The following LRIF1 variants were observed in gnomAD, a reference collection of about 807,000 sequenced individuals.
The protein encoded by LRIF1 is ligand dependent nuclear receptor interacting factor 1.
LRIF1 carries 32 observed loss-of-function variants against 52.7 expected under a neutral mutation model. The ratio of observed to expected loss-of-function variants is 0.61; its 90% CI spans 0.46 to 0.82. The LOEUF is 0.82. LRIF1 is among the 40% of genes least tolerant of loss of function. The pLI is 0.00. For missense variants in LRIF1, 887 were observed against 892.0 expected (o/e 0.99, Z 0.07); for synonymous variants, 323 against 317.4 (o/e 1.02, Z -0.19).
the LRIF1 span, among the ~76,000 whole-genome samples, chr1:110,930,660 G>A: frequency 6.6e-6 from 1 of 152,094 alleles, no homozygotes; most frequent in African/African-American, 2.4e-5. Flanking sequence ...CAGTTATACT[G>A]GGGGTTAATG....
At chr1:110,962,936 T>TA (rs1445990011) in intron 1 of LRIF1, among the ~76,000 whole-genome samples, 2 of 151,966 alleles carry the variant, frequency 1.3e-5, no homozygotes, top group African/African-American at 4.8e-5. Flanking sequence ...ACCCAAAAAC[T>TA]AAGTTACTGA....
the LRIF1 span, chr1:110,940,981 C>G: frequency 9.2e-5 from 14 of 152,096 alleles, no homozygotes; most frequent in Admixed American, 9.2e-4. Context: ...AAGAGTGTAA[C>G]TGGATTTCTT....
chr1:110,959,924 T>C lies in LRIF1; in HGVS notation c.68+3697A>G, dbSNP rs141671926. ...ATTTTATAGATATTTTTGCAAAATA[T>C]ATTTTTTTCAACTGCTAGGAAATCC... is the stretch of plus-strand genomic sequence containing the variant. On this transcript the variant is annotated intron_variant, in intron 1 of 3. Transcript: ENST00000369763. Among the ~76,000 whole-genome samples the C allele has an allele frequency of 2.8e-3, 422 of 152,154 alleles. 4 individuals are homozygous for C. The highest frequency in any genetic ancestry group is 9.5e-3 in the African/African-American group (394 of 41,498).
chr1:110,952,568 A>G lies in LRIF1; in HGVS notation c.316T>C (p.Tyr106His). 1 of 1,614,000 alleles carries G rather than the reference A, an allele frequency of 6.2e-7. No individual in the cohort carries two copies. The highest frequency in any genetic ancestry group is 2.2e-5 in the East Asian group (1 of 44,870). ...PIFQPASSSN[Y>H]FLTRTVDTSE... ...GTATCTACTGTTCTTGTAAGAAAAT[A>G]GTTTGAAGAACTGGCTGGCTGAAAA... is the stretch of plus-strand genomic sequence containing the variant. Residue 106 changes from tyrosine (Y) to histidine (H), a missense_variant, in exon 2 of 4, where the codon TAT becomes CAT. Tyr to His is a moderately conservative substitution (Grantham distance 83, BLOSUM62 2). Transcript: ENST00000369763.
chr1:110,892,459 G>C, the LRIF1 span: 5 of 1,613,900 alleles, frequency 3.1e-6, no homozygotes, highest in Non-Finnish European at 4.2e-6. Flanking sequence ...TGTCATCGTG[G>C]GCTCTATTAT....
In LRIF1 at chr1:110,952,300, G is replaced by T. The variant is rs1312619262; in HGVS notation, c.584C>A (p.Ser195Tyr). 1 of 1,614,138 alleles carries T rather than the reference G, an allele frequency of 6.2e-7. No homozygotes were observed. The highest frequency in any genetic ancestry group is 1.1e-5 in the South Asian group (1 of 91,078). Reference sequence around the variant, plus strand: ...AGGAGGCAATGATGACGCTGGTACAGATTTCACTTCAGCATGGGCTGGAAT... The same window carrying T: ...AGGAGGCAATGATGACGCTGGTACATATTTCACTTCAGCATGGGCTGGAAT... Reference protein sequence around the residue: ...LQIPAHAEVKSVPASSLPPSV... With the variant: ...LQIPAHAEVKYVPASSLPPSV... The change falls in exon 2 of 4, where the codon TCT (serine) becomes TAT (tyrosine). Residue 195 changes from serine (S) to tyrosine (Y), a missense_variant. Coordinates refer to ENST00000369763, the MANE Select transcript of LRIF1 (RefSeq NM_018372.4).
the LRIF1 span, among the ~76,000 whole-genome samples, chr1:110,936,074 T>C: frequency 6.6e-6 from 1 of 152,164 alleles, no homozygotes. Context: ...AAAAAACTTT[T>C]TAACCTAGAA....
Position 110,947,278 on chromosome 1 carries a change from C to CCAAAAAA in LRIF1, c.*680_*681insTTTTTTG, listed in dbSNP as rs1553209621. On this transcript the variant is annotated 3_prime_UTR_variant, in exon 4 of 4. Coordinates refer to ENST00000369763, the MANE Select transcript of LRIF1 (RefSeq NM_018372.4). ...TCTCAGTAACGTATGTACATAGTCC[C>CCAAAAAA]AAAAAAAAAAAAAGCAGCATTTGCC... 1 of 138,720 alleles carries CCAAAAAA rather than the reference C, an allele frequency of 7.2e-6. No homozygotes were observed. The highest frequency in any genetic ancestry group is 1.6e-5 in the Non-Finnish European group (1 of 63,050). 8.6% of individuals were successfully genotyped at this position (138,720 alleles called of 1,614,324 possible). A position where few individuals can be genotyped will look rare whatever the true frequency, so the allele number is the denominator to read the frequency against.
the LRIF1 span, among the ~76,000 whole-genome samples, chr1:110,887,396 G>A: frequency 6.6e-6 from 1 of 152,090 alleles, no homozygotes; most frequent in Non-Finnish European, 1.5e-5. Flanking sequence ...CTGGCTTAAT[G>A]GCTTTACTAA....
the LRIF1 span, chr1:110,894,870 G>A: frequency 1.0e-6 from 1 of 967,676 alleles, no homozygotes; most frequent in Non-Finnish European, 1.7e-6. Context: ...GGAAGCGCAA[G>A]TGGAACCACT....
At chr1:110,936,515 T>G in the LRIF1 span, 1 of 152,162 alleles carries the variant, frequency 6.6e-6, no homozygotes, top group Non-Finnish European at 1.5e-5. Context: ...CACACAGTGT[T>G]AAGTAGTTAT....
chr1:110,885,395 G>A, the LRIF1 span, among the ~76,000 whole-genome samples: 1 of 152,122 alleles, frequency 6.6e-6, no homozygotes, highest in Non-Finnish European at 1.5e-5. Flanking sequence ...AAAATTAGCT[G>A]GACGTGGTGG....
At chr1:110,920,318 A>G in the LRIF1 span, among the ~76,000 whole-genome samples, 32 of 152,254 alleles carry the variant, frequency 2.1e-4, no homozygotes, top group Non-Finnish European at 3.7e-4. Flanking sequence ...ATGAATGGAC[A>G]AACTGTGGTA....
intron 1 of LRIF1, among the ~76,000 whole-genome samples, chr1:110,960,750 G>A (rs965665382): frequency 2.6e-5 from 4 of 151,988 alleles, no homozygotes; most frequent in African/African-American, 4.8e-5. Flanking sequence ...TAACGAAGTC[G>A]GTCTATTTTC....
At chr1:110,935,205 A>G in the LRIF1 span, among the ~76,000 whole-genome samples, 11 of 152,328 alleles carry the variant, frequency 7.2e-5, no homozygotes, top group African/African-American at 2.6e-4. Context: ...AAACTTTCCC[A>G]AAAAGGACAG....
chr1:110,933,356 C>T, the LRIF1 span, among the ~76,000 whole-genome samples: 1 of 152,146 alleles, frequency 6.6e-6, no homozygotes, highest in Non-Finnish European at 1.5e-5. Flanking sequence ...ACAGAAAGAA[C>T]ACCTTCATAA....
At chr1:110,902,901 T>C in the LRIF1 span, among the ~76,000 whole-genome samples, 2 of 152,148 alleles carry the variant, frequency 1.3e-5, no homozygotes, top group African/African-American at 2.4e-5. Context: ...TAAAACAGTT[T>C]TGAATCTCTA....
the LRIF1 span, chr1:110,899,134 T>C: frequency 6.2e-7 from 1 of 1,613,776 alleles, no homozygotes; most frequent in East Asian, 2.2e-5. Context: ...GTGTTGGGGA[T>C]GTCCTTTGCA....
At position 110,947,759 on chromosome 1, in the gene LRIF1, AG is replaced by A. The variant is rs1321061009; in HGVS notation, c.*199del. 5.0e-5 allele frequency: 25 copies of A among 497,936 alleles called. No individual in the cohort carries two copies. Among genetic ancestry groups the A allele is most frequent in the Non-Finnish European group, 7.7e-5 (24 of 312,530 alleles). The allele number at this position is 497,936 out of a possible 1,614,324, so 30.8% of individuals were successfully genotyped here. ...TTCCAAAAAAAGGTATCTAAGACAA[AG>A]GTATAGATACCCCATGTAAATTATT... is the stretch of plus-strand genomic sequence containing the variant. On this transcript the variant is annotated 3_prime_UTR_variant, in exon 4 of 4. Transcript: ENST00000369763.
Sources: allele counts gnomAD v4.1 joint callset (sites outside exome capture counted in the v4.1 genomes callset), GRCh38; gene constraint gnomAD v4.1.1; transcripts MANE v1.5; gene names NCBI Gene and HGNC (gene_info 2026-07-23, HGNC 2026-07-21).